Variants in GALNT1 observed in about 807,000 individuals in gnomAD.
GALNT1 encodes the protein GalNAc transferase 1.
In GALNT1, 17 loss-of-function variants were observed where a neutral mutation model predicts 65.7. The observed-to-expected ratio is 0.26, with a 90% CI of 0.18 to 0.39. GALNT1 has a LOEUF of 0.39. Ranked by LOEUF, GALNT1 falls within the 10% of genes least tolerant of loss-of-function variation. GALNT1 has a pLI of 1.00. For missense variants in GALNT1, 460 were observed against 672.8 expected (o/e 0.68, Z 3.50); for synonymous variants, 210 against 219.7 (o/e 0.96, Z 0.39).
At chr18:35,705,165 G>A (rs2048235576) in intron 11 of GALNT1, among the ~76,000 whole-genome samples, 1 of 152,094 alleles carries the variant, frequency 6.6e-6, no homozygotes, top group Admixed American at 6.5e-5. Flanking sequence ...TCATCAATAT[G>A]CTGTTCTCTG....
At chr18:35,617,213 G>A (rs1879261819) in intron 1 of GALNT1, among the ~76,000 whole-genome samples, 1 of 151,988 alleles carries the variant, frequency 6.6e-6, no homozygotes, top group South Asian at 2.1e-4. Flanking sequence ...CCTAAGGACA[G>A]TGATGTTGTC....
At chr18:35,665,195 A>G (rs1388434895) in intron 3 of GALNT1, among the ~76,000 whole-genome samples, 1 of 152,216 alleles carries the variant, frequency 6.6e-6, no homozygotes, top group Non-Finnish European at 1.5e-5. Flanking sequence ...AAAAACTATT[A>G]AGGTAGAACA....
At chr18:35,673,943 C>A (rs138085134) in intron 3 of GALNT1, among the ~76,000 whole-genome samples, 4 of 152,302 alleles carry the variant, frequency 2.6e-5, no homozygotes, top group Admixed American at 1.3e-4. Flanking sequence ...GCCTACTACA[C>A]ACCTAGGCTA....
At chr18:35,605,490 C>CAA (rs1175947462) in intron 1 of GALNT1, among the ~76,000 whole-genome samples, 118 of 115,862 alleles carry the variant, frequency 1.0e-3, no homozygotes, top group African/African-American at 3.5e-3. Flanking sequence ...GACTCTGTCT[C>CAA]AAAAAAAAAA....
At chr18:35,681,606 CTTG>C (rs1345037819) in intron 4 of GALNT1, among the ~76,000 whole-genome samples, 2 of 151,890 alleles carry the variant, frequency 1.3e-5, no homozygotes, top group Non-Finnish European at 2.9e-5. Context: ...TTTGGAAAAA[CTTG>C]TTGGGAGACG....
chr18:35,643,013 C>T (rs1049578462), intron 1 of GALNT1, among the ~76,000 whole-genome samples: 1 of 152,018 alleles, frequency 6.6e-6, no homozygotes, highest in African/African-American at 2.4e-5. Context: ...GTCTGTGACT[C>T]AGGCCAAGGA....
At chr18:35,633,305 C>T (rs2047043044) in intron 1 of GALNT1, among the ~76,000 whole-genome samples, 1 of 152,098 alleles carries the variant, frequency 6.6e-6, no homozygotes, top group Admixed American at 6.5e-5. Flanking sequence ...ACATGTCCAA[C>T]AATGATAGAC....
At position 35,691,110 on chromosome 18, in the gene GALNT1, G is replaced by A. The variant is rs1323927372; in HGVS notation, c.1077G>A (p.Gly359=). Residue 359 remains glycine (G), a synonymous_variant, in exon 8 of 12, where the codon GGG becomes GGA. Transcript: ENST00000269195. ...ATPYTFPGGT[G]QIINKNNRRL... ...CTTACACGTTTCCAGGAGGCACAGG[G>A]CAGATTATCAATAAAAATAACAGAC... The A allele has an allele frequency of 2.5e-6, 4 of 1,613,224 alleles. No homozygotes were observed. Among genetic ancestry groups the A allele is most frequent in the Non-Finnish European group, 3.4e-6 (4 of 1,179,588 alleles).
chr18:35,661,283 G>C (rs534733106), intron 2 of GALNT1, among the ~76,000 whole-genome samples: 94 of 152,232 alleles, frequency 6.2e-4, no homozygotes, highest in Non-Finnish European at 1.1e-3. Flanking sequence ...CAGATCACCT[G>C]AGGTCAGAAG....
At chr18:35,585,193 T>G (rs1182649259) in intron 1 of GALNT1, among the ~76,000 whole-genome samples, 2 of 152,098 alleles carry the variant, frequency 1.3e-5, no homozygotes, top group Non-Finnish European at 2.9e-5. Context: ...CCCTCCACAT[T>G]TCTTATCCCA....
At chr18:35,583,257 C>T (rs187651451) in intron 1 of GALNT1, among the ~76,000 whole-genome samples, 56 of 152,282 alleles carry the variant, frequency 3.7e-4, no homozygotes, top group Middle Eastern at 6.8e-3. Flanking sequence ...TGTGAAGCCC[C>T]GCTGCACATC....
chr18:35,611,771 C>T (rs187858728), intron 1 of GALNT1, among the ~76,000 whole-genome samples: 12 of 152,294 alleles, frequency 7.9e-5, no homozygotes, highest in East Asian at 3.9e-4. Flanking sequence ...AATGGTAATA[C>T]GTTGTTGTGG....
At position 35,654,662 on chromosome 18, in the gene GALNT1, C is replaced by A; in HGVS notation, c.-1C>A. ...AAATTTTGCATTTGACTTAAAGTGC[C>A]ATGAGAAAATTTGCATACTGCAAGG... On this transcript the variant is annotated 5_prime_UTR_variant, in exon 2 of 12. Transcript: ENST00000269195. 2 of 1,397,026 alleles carry A rather than the reference C, an allele frequency of 1.4e-6. No homozygotes were observed. The highest frequency in any genetic ancestry group is 2.0e-5 in the South Asian group (1 of 49,334). The allele number at this position is 1,397,026 out of a possible 1,614,324, so 86.5% of individuals were successfully genotyped here.
chr18:35,625,205 A>G (rs1018456815), intron 1 of GALNT1, among the ~76,000 whole-genome samples: 3 of 152,166 alleles, frequency 2.0e-5, no homozygotes, highest in African/African-American at 4.8e-5. Flanking sequence ...AGTCCCGGGG[A>G]AAAGATACAT....
intron 3 of GALNT1, among the ~76,000 whole-genome samples, chr18:35,667,075 C>G (rs1376800622): frequency 6.6e-6 from 1 of 152,142 alleles, no homozygotes; most frequent in Non-Finnish European, 1.5e-5. Context: ...TTTTGTCTTA[C>G]GAATTCTTAT....
At chr18:35,684,049 T>C (rs2047828614) in intron 5 of GALNT1, among the ~76,000 whole-genome samples, 1 of 152,244 alleles carries the variant, frequency 6.6e-6, no homozygotes, top group African/African-American at 2.4e-5. Context: ...GAAAGCACCA[T>C]AATCTTAGAT....
At chr18:35,587,125 C>CG (rs112593686) in intron 1 of GALNT1, among the ~76,000 whole-genome samples, 3,492 of 152,090 alleles carry the variant, frequency 0.023, 139 homozygotes, top group African/African-American at 0.078. Flanking sequence ...GTAATTGTAA[C>CG]GGTATTTTTA....
chr18:35,672,681 A>C (rs1156973217), intron 3 of GALNT1, among the ~76,000 whole-genome samples: 2 of 151,996 alleles, frequency 1.3e-5, no homozygotes, highest in African/African-American at 4.8e-5. Flanking sequence ...AGAAGAGTTA[A>C]ATAGAAGTAA....
At chr18:35,638,319 C>A (rs920516784) in intron 1 of GALNT1, among the ~76,000 whole-genome samples, 2 of 152,098 alleles carry the variant, frequency 1.3e-5, no homozygotes, top group Non-Finnish European at 2.9e-5. Flanking sequence ...TGCTCATGTA[C>A]CCCAAGGAGG....
Sources: allele counts gnomAD v4.1 joint callset (sites outside exome capture counted in the v4.1 genomes callset), GRCh38; gene constraint gnomAD v4.1.1; transcripts MANE v1.5; gene names NCBI Gene and HGNC (gene_info 2026-07-23, HGNC 2026-07-21).